The following EFCAB5 variants were observed in gnomAD, a reference collection of about 807,000 sequenced individuals.
EFCAB5 encodes EF-hand calcium-binding domain-containing protein 5.
A neutral mutation model predicts 167.9 loss-of-function variants in EFCAB5; 131 were observed. That is an observed-to-expected ratio of 0.78 (90% CI 0.68 to 0.90). The LOEUF (loss-of-function observed/expected upper bound fraction) is 0.90. Ranked by LOEUF, EFCAB5 falls within the 40% of genes least tolerant of loss-of-function variation. The pLI, the probability that EFCAB5 is intolerant of heterozygous loss-of-function variation, is 0.00. For synonymous variants in EFCAB5, 574 were observed against 602.8 expected, an observed-to-expected ratio of 0.95 and a Z score of 0.70; for missense variants, 1,663 against 1,745.2, an observed-to-expected ratio of 0.95 and a Z score of 0.84.
At chr17:30,013,001 T>G (rs2068943922) in intron 7 of EFCAB5, among the ~76,000 whole-genome samples, 1 of 152,122 alleles carries the variant, frequency 6.6e-6, no homozygotes, top group Non-Finnish European at 1.5e-5. Context: ...TTATTGAGAG[T>G]TTTTAGCACA....
At chr17:29,999,076 G>C (rs1227998422) in intron 6 of EFCAB5, among the ~76,000 whole-genome samples, 2 of 151,300 alleles carry the variant, frequency 1.3e-5, no homozygotes, top group African/African-American at 4.9e-5. Flanking sequence ...CTTAAATTTT[G>C]TTTTCCAGAG....
At chr17:29,936,195 C>T (rs1319884168) in intron 1 of EFCAB5, among the ~76,000 whole-genome samples, 2 of 152,028 alleles carry the variant, frequency 1.3e-5, no homozygotes, top group African/African-American at 2.4e-5. Flanking sequence ...TCTGAGCAAA[C>T]GATCGCAAGG....
intron 7 of EFCAB5, among the ~76,000 whole-genome samples, chr17:30,012,128 A>G (rs2068918403): frequency 2.0e-5 from 3 of 152,140 alleles, no homozygotes; most frequent in African/African-American, 7.2e-5. Flanking sequence ...AGCGTCTGGG[A>G]AGACGCCCAT....
chr17:30,083,005 T>C lies in EFCAB5; in HGVS notation c.3541T>C (p.Ser1181Pro). 1 of 1,614,002 alleles carries C rather than the reference T, an allele frequency of 6.2e-7. No individual in the cohort carries two copies. Among genetic ancestry groups the C allele is most frequent in the Non-Finnish European group, 8.5e-7 (1 of 1,179,880 alleles). The change falls in exon 18 of 23, where the codon TCC (serine) becomes CCC (proline). Residue 1181 changes from serine to proline, a missense_variant. Physicochemically the swap from Ser to Pro is moderately conservative, Grantham distance 74. Transcript: ENST00000394835. ...TTATGACGTCACATCCAGCATCACCTCCATCACTACGTACTTTGTAGAGCC... is the reference window on the plus strand; with the variant it reads ...TTATGACGTCACATCCAGCATCACCCCCATCACTACGTACTTTGTAGAGCC... ...WLYDVTSSIT[S>P]ITTYFVEPSP...
At chr17:29,983,624 C>G (rs896118526) in intron 4 of EFCAB5, among the ~76,000 whole-genome samples, 1 of 152,182 alleles carries the variant, frequency 6.6e-6, no homozygotes, top group East Asian at 1.9e-4. Context: ...TAGGTTATGT[C>G]TACCCTGTAC....
intron 6 of EFCAB5, among the ~76,000 whole-genome samples, chr17:29,997,928 A>C (rs931976587): frequency 6.6e-6 from 1 of 151,170 alleles, no homozygotes; most frequent in African/African-American, 2.5e-5. Flanking sequence ...CCTATATGAA[A>C]TTAGGTGGAA....
At chr17:29,989,290 T>G (rs1212237378) in intron 4 of EFCAB5, among the ~76,000 whole-genome samples, 1 of 152,202 alleles carries the variant, frequency 6.6e-6, no homozygotes, top group Non-Finnish European at 1.5e-5. Flanking sequence ...TAATATTTCT[T>G]GAGTGGGGGC....
intron 4 of EFCAB5, among the ~76,000 whole-genome samples, chr17:29,990,602 C>T (rs2068393902): frequency 2.0e-5 from 3 of 152,184 alleles, no homozygotes; most frequent in Admixed American, 2.0e-4. Flanking sequence ...TGACTGGAGA[C>T]AGCAACATTC....
rs1178565176 is a variant in EFCAB5, at chr17:30,082,955, T to G, written c.3491T>G (p.Ile1164Ser). The G allele has an allele frequency of 1.2e-6, 2 of 1,613,898 alleles. No individual in the cohort carries two copies. ...CACAGCCGGGAGCACATTCTGCATATTGTGATCACTGGCATAGGCTGGCTT... is the reference window on the plus strand; with the variant it reads ...CACAGCCGGGAGCACATTCTGCATAGTGTGATCACTGGCATAGGCTGGCTT... ...YVHSREHILH[I>S]VITGIGWLYD... The change falls in exon 18 of 23, where the codon ATT becomes AGT. Residue 1164 changes from isoleucine to serine, a missense_variant. By Grantham distance (142) the Ile-to-Ser change is moderately radical. Transcript: ENST00000394835.
rs1567733393 is a variant in EFCAB5 at position 30,040,708 on chromosome 17, G to A, written c.1200+6323G>A. Among the ~76,000 whole-genome samples the A allele has an allele frequency of 2.0e-5, 3 of 152,228 alleles. No individual in the cohort carries two copies. The South Asian group carries it at 6.2e-4, about 32-fold the overall frequency. ...GAAAGTAGAAAAGTTCCTCTTCAAA[G>A]CTTATCTTGGTTTAAAAATAAAATA... is the stretch of plus-strand genomic sequence containing the variant. On this transcript the variant is annotated intron_variant, in intron 8 of 22. Coordinates refer to ENST00000394835, the MANE Select transcript of EFCAB5 (RefSeq NM_198529.4).
chr17:29,970,663 C>CACACAA lies in EFCAB5; in HGVS notation c.767+1301_767+1302insAACACA, dbSNP rs1356151816. Among the ~76,000 whole-genome samples the CACACAA allele has an allele frequency of 1.5e-5, 2 of 133,920 alleles. 1 individual carries two copies. The highest frequency in any genetic ancestry group is 4.0e-4 in the East Asian group (2 of 5,038). The allele number at this position is 133,920 out of a possible 152,430, so 87.9% of individuals were successfully genotyped here. On this transcript the variant is annotated intron_variant, in intron 4 of 22. Coordinates refer to ENST00000394835, the MANE Select transcript of EFCAB5 (RefSeq NM_198529.4). ...ACACACACACACACACACACACACA[C>CACACAA]ACACATACACACACACACACACACA... is the stretch of plus-strand genomic sequence containing the variant.
intron 14 of EFCAB5, among the ~76,000 whole-genome samples, chr17:30,077,480 A>G (rs934035115): frequency 2.6e-5 from 4 of 152,188 alleles, no homozygotes; most frequent in Admixed American, 2.6e-4. Flanking sequence ...AATTCAGGAT[A>G]TCAGTGGGAA....
chr17:30,101,631 A>T (rs2071384128), intron 22 of EFCAB5, among the ~76,000 whole-genome samples: 1 of 152,214 alleles, frequency 6.6e-6, no homozygotes, highest in Non-Finnish European at 1.5e-5. Context: ...GTTGGTGAAT[A>T]GATGATTGGC....
At chr17:30,098,861 A>G (rs1020589842) in intron 22 of EFCAB5, among the ~76,000 whole-genome samples, 1 of 152,132 alleles carries the variant, frequency 6.6e-6, no homozygotes, top group African/African-American at 2.4e-5. Flanking sequence ...TTATGTCTCT[A>G]TGGATTTACC....
chr17:30,103,129 G>A (rs1481315095), intron 22 of EFCAB5, among the ~76,000 whole-genome samples: 1 of 151,600 alleles, frequency 6.6e-6, no homozygotes, highest in Non-Finnish European at 1.5e-5. Context: ...ACTGCATCCG[G>A]CCAAAGGACT....
At chr17:29,939,591 G>T (rs1173446736), upstream of EFCAB5, among the ~76,000 whole-genome samples, 2 of 152,216 alleles carry the variant, frequency 1.3e-5, no homozygotes, top group East Asian at 3.9e-4. Flanking sequence ...ATATCTTTTG[G>T]GTAACTTGCT....
At chr17:29,955,563 T>C (rs973097710) in intron 3 of EFCAB5, among the ~76,000 whole-genome samples, 2 of 151,960 alleles carry the variant, frequency 1.3e-5, no homozygotes, top group Non-Finnish European at 2.9e-5. Flanking sequence ...AATTACCCAG[T>C]CTGGGATATG....
At chr17:30,060,031 A>T (rs1477914716) in intron 14 of EFCAB5, 2 of 159,806 alleles carry the variant, frequency 1.3e-5, no homozygotes, top group African/African-American at 4.8e-5. Flanking sequence ...GTTGGCAAGG[A>T]TGTGAAAATA....
chr17:30,086,966 A>G, intron 18 of EFCAB5, 97 bp from the exon 19 acceptor site: 1 of 1,019,154 alleles, frequency 9.8e-7, no homozygotes, highest in Non-Finnish European at 1.4e-6. Context: ...GAGGTCATCT[A>G]AGCTTTCCTA....
Sources: gnomAD v4.1 joint callset for allele counts (sites outside exome capture counted in the v4.1 genomes callset) on GRCh38, gnomAD v4.1.1 for gene constraint, MANE v1.5 for transcripts, NCBI Gene and HGNC (gene_info 2026-07-23, HGNC 2026-07-21) for gene names.